Variants in ROR1 observed in about 807,000 individuals in gnomAD.
ROR1 encodes inactive tyrosine-protein kinase transmembrane receptor ROR1.
ROR1 carries 19 observed loss-of-function variants against 78.8 expected under a neutral mutation model. That is an observed-to-expected ratio of 0.24 (90% CI 0.17 to 0.35). The LOEUF (loss-of-function observed/expected upper bound fraction) is 0.35. Ranked by LOEUF, ROR1 falls within the 10% of genes least tolerant of loss-of-function variation. ROR1 has a pLI of 1.00. For synonymous variants in ROR1, 386 were observed against 433.6 expected (o/e 0.89, Z 1.36); for missense variants, 917 against 1,177.8 (o/e 0.78, Z 3.24).
chr1:64,038,507 G>A (rs914064506), intron 2 of ROR1, among the ~76,000 whole-genome samples: 4 of 152,154 alleles, frequency 2.6e-5, no homozygotes, highest in African/African-American at 9.7e-5. Context: ...GGCTCCTGAA[G>A]GACAGAGGCC....
intron 1 of ROR1, among the ~76,000 whole-genome samples, chr1:63,801,192 A>G (rs955573666): frequency 2.0e-5 from 3 of 152,186 alleles, no homozygotes; most frequent in African/African-American, 7.2e-5. Flanking sequence ...ATTCTTAAAG[A>G]ATTAAAAAGC....
Position 64,056,401 on chromosome 1 carries a change from G to A in ROR1, c.482+5685G>A, listed in dbSNP as rs115149140. Among the ~76,000 whole-genome samples, 13 of 151,692 alleles carry A rather than the reference G, an allele frequency of 8.6e-5. No individual in the cohort carries two copies. The South Asian group carries it at 1.5e-3, about 17-fold the overall frequency. On this transcript the variant is annotated intron_variant, in intron 4 of 8. Coordinates refer to ENST00000371079, the MANE Select transcript of ROR1 (RefSeq NM_005012.4). Reference sequence around the variant, plus strand: ...TAAAATTTATTATAGCCAGCCGGGCGCAGTGGTTCATGCCTGTAATTGCAG... The same window carrying A: ...TAAAATTTATTATAGCCAGCCGGGCACAGTGGTTCATGCCTGTAATTGCAG...
rs1181562969 is a variant in ROR1, at chr1:64,076,083, C to CT, written c.482+25367_482+25368insT. On this transcript the variant is annotated intron_variant, in intron 4 of 8. Coordinates refer to ENST00000371079, the MANE Select transcript of ROR1 (RefSeq NM_005012.4). ...TTCTTGCTGACAGAGGAAGAAGAAT[C>CT]CCACTACCTTTTAGCTGGAGGTTAT... Among the ~76,000 whole-genome samples the CT allele has an allele frequency of 2.1e-3, 314 of 152,278 alleles. 2 individuals carry two copies. Among genetic ancestry groups the CT allele is most frequent in the African/African-American group, 7.4e-3 (308 of 41,546 alleles).
intron 1 of ROR1, among the ~76,000 whole-genome samples, chr1:63,863,083 T>C (rs1261839774): frequency 6.6e-6 from 1 of 152,218 alleles, no homozygotes; most frequent in Non-Finnish European, 1.5e-5. Flanking sequence ...GCAAAAGCCC[T>C]GATCTCCTGA....
intron 1 of ROR1, among the ~76,000 whole-genome samples, chr1:63,790,872 C>A (rs924299323): frequency 6.6e-6 from 1 of 152,170 alleles, no homozygotes; most frequent in African/African-American, 2.4e-5. Flanking sequence ...CAGTTTTGAA[C>A]CTGCAAGCCA....
chr1:63,797,693 T>A (rs1644769718), intron 1 of ROR1, among the ~76,000 whole-genome samples: 1 of 152,202 alleles, frequency 6.6e-6, no homozygotes, highest in African/African-American at 2.4e-5. Context: ...CAGGTTGCTG[T>A]GAGGGCTATA....
At position 64,006,268 on chromosome 1, in the gene ROR1, T is replaced by C. The variant is rs182561883; in HGVS notation, c.92-3037T>C. On this transcript the variant is annotated intron_variant, in intron 1 of 8. Transcript: ENST00000371079. The stretch of plus-strand genomic sequence containing the variant: ...CCACCACTTTCCAACCTATGCTTCC[T>C]TCCCTGAAATGCCGCCTTGGCTGCC... Among the ~76,000 whole-genome samples the C allele has an allele frequency of 4.1e-3, 619 of 152,332 alleles. 2 individuals carry two copies. The highest frequency in any genetic ancestry group is 6.4e-3 in the Non-Finnish European group (433 of 68,016).
chr1:63,995,942 AC>A (rs1646333732), intron 1 of ROR1, among the ~76,000 whole-genome samples: 1 of 152,188 alleles, frequency 6.6e-6, no homozygotes, highest in Non-Finnish European at 1.5e-5. Context: ...TGGAGGAGAT[AC>A]AAAAAGATGT....
intron 7 of ROR1, among the ~76,000 whole-genome samples, chr1:64,143,710 G>C (rs1404769940): frequency 6.6e-6 from 1 of 152,168 alleles, no homozygotes; most frequent in South Asian, 2.1e-4. Context: ...GGAGGGAGTA[G>C]GCATAGCACA....
chr1:63,939,302 C>T (rs1044406128), intron 1 of ROR1, among the ~76,000 whole-genome samples: 4 of 152,002 alleles, frequency 2.6e-5, no homozygotes, highest in East Asian at 1.9e-4. Flanking sequence ...TATTTGGGGA[C>T]GAGAGCATAT....
chr1:64,091,889 T>G (rs1647200780), intron 4 of ROR1, among the ~76,000 whole-genome samples: 1 of 152,170 alleles, frequency 6.6e-6, no homozygotes, highest in Non-Finnish European at 1.5e-5. Context: ...CAGTGTCTAC[T>G]AGTTGGATGG....
At chr1:64,090,993 G>A (rs202181492) in intron 4 of ROR1, among the ~76,000 whole-genome samples, 2 of 80,612 alleles carry the variant, frequency 2.5e-5, no homozygotes, top group Non-Finnish European at 5.0e-5. Flanking sequence ...TATCTTTATT[G>A]TTATCAGCCT....
chr1:64,048,623 AAAAT>A (rs1333314943), intron 2 of ROR1, among the ~76,000 whole-genome samples: 24 of 152,366 alleles, frequency 1.6e-4, no homozygotes, highest in African/African-American at 5.8e-4. Context: ...AACTTAATTA[AAAAT>A]AAATAAATAA....
At chr1:63,796,598 G>A (rs1542805) in intron 1 of ROR1, among the ~76,000 whole-genome samples, 101,442 of 152,154 alleles carry the variant, frequency 0.67, 34,922 homozygotes, top group East Asian at 0.82. Flanking sequence ...TAAAATGGGT[G>A]TATCATCTCT....
At chr1:64,148,454 C>T (rs1264404881) in intron 7 of ROR1, among the ~76,000 whole-genome samples, 1 of 152,130 alleles carries the variant, frequency 6.6e-6, no homozygotes, top group East Asian at 1.9e-4. Flanking sequence ...GAGACAGAGT[C>T]TCATAGGAAA....
chr1:64,085,959 C>T (rs574249539), intron 4 of ROR1, among the ~76,000 whole-genome samples: 40 of 152,192 alleles, frequency 2.6e-4, no homozygotes, highest in African/African-American at 8.2e-4. Flanking sequence ...GTTATCATGG[C>T]GGGAAAGAAA....
At chr1:63,946,207 A>C (rs1645887885) in intron 1 of ROR1, among the ~76,000 whole-genome samples, 1 of 152,170 alleles carries the variant, frequency 6.6e-6, no homozygotes, top group Non-Finnish European at 1.5e-5. Context: ...CAGGACACAC[A>C]CACTATAATA....
At position 63,810,377 on chromosome 1, in the gene ROR1, G is replaced by C. The variant is rs1557507690; in HGVS notation, c.91+35869G>C. On this transcript the variant is annotated intron_variant, in intron 1 of 8. Coordinates refer to ENST00000371079, the MANE Select transcript of ROR1 (RefSeq NM_005012.4). Reference sequence around the variant, plus strand: ...CTTATGTGCATTGGGGAATTACATAGCGGTAGAAGGCACGCATCATTTCTT... The same window carrying C: ...CTTATGTGCATTGGGGAATTACATACCGGTAGAAGGCACGCATCATTTCTT... 1.3e-5 allele frequency among the ~76,000 whole-genome samples: 2 copies of C among 152,194 alleles called. 1 individual carries two copies. The highest frequency in any genetic ancestry group is 4.1e-4 in the South Asian group (2 of 4,826).
At chr1:63,801,319 G>A (rs991250288) in intron 1 of ROR1, among the ~76,000 whole-genome samples, 2 of 152,012 alleles carry the variant, frequency 1.3e-5, no homozygotes, top group Non-Finnish European at 2.9e-5. Context: ...TTTTGAGACA[G>A]AGTCTCGCTC....
Sources: allele counts gnomAD v4.1 joint callset (sites outside exome capture counted in the v4.1 genomes callset), GRCh38; gene constraint gnomAD v4.1.1; transcripts MANE v1.5; gene names NCBI Gene and HGNC (gene_info 2026-07-23, HGNC 2026-07-21).